RAPGEF4: variants seen among roughly 807,000 people sequenced by gnomAD.
The protein encoded by RAPGEF4 is RAP guanine-nucleotide-exchange factor (GEF) 4.
In RAPGEF4, 66 loss-of-function variants were observed where a neutral mutation model predicts 147.9. The ratio of observed to expected loss-of-function variants is 0.45; its 90% CI spans 0.37 to 0.55. RAPGEF4 has a LOEUF of 0.55. Among genes scored for constraint, RAPGEF4 ranks in the 20% least tolerant of loss-of-function variants. RAPGEF4 has a pLI of 0.00. For synonymous variants in RAPGEF4, 419 were observed against 442.7 expected (o/e 0.95, Z 0.67); for missense variants, 1,071 against 1,257.3 (o/e 0.85, Z 2.24).
At chr2:172,978,680 G>C (rs1691356542) in intron 10 of RAPGEF4, among the ~76,000 whole-genome samples, 1 of 152,220 alleles carries the variant, frequency 6.6e-6, no homozygotes, top group Admixed American at 6.5e-5. Context: ...CAGTGATGCT[G>C]TCTTACTCCT....
chr2:172,980,151 T>C (rs550835160), intron 10 of RAPGEF4, among the ~76,000 whole-genome samples: 1 of 152,222 alleles, frequency 6.6e-6, no homozygotes, highest in South Asian at 2.1e-4. Context: ...ATGCCTGGGA[T>C]AGCTGGAGAG....
At chr2:173,030,302 AAC>A in intron 26 of RAPGEF4, 48 bp downstream of exon 26, 1 of 1,415,646 alleles carries the variant, frequency 7.1e-7, no homozygotes, top group Non-Finnish European at 1.0e-6. Context: ...TAGGAATAAA[AAC>A]ACAGGCTCAC....
intron 8 of RAPGEF4, among the ~76,000 whole-genome samples, chr2:172,963,176 C>T (rs1241655907): frequency 3.9e-5 from 6 of 152,138 alleles, no homozygotes; most frequent in South Asian, 2.1e-4. Context: ...AATTTGCCCC[C>T]GTGATCCAAT....
intron 10 of RAPGEF4, among the ~76,000 whole-genome samples, chr2:172,975,965 CA>C (rs1691018416): frequency 6.6e-6 from 1 of 151,142 alleles, no homozygotes; most frequent in South Asian, 2.1e-4. Flanking sequence ...GTGATCAAAC[CA>C]CATTGTCCTA....
At chr2:173,051,586 A>G in intron 30 of RAPGEF4, 54 bp from the exon 31 acceptor site, 1 of 1,547,446 alleles carries the variant, frequency 6.5e-7, no homozygotes, top group Non-Finnish European at 8.8e-7. Context: ...GTAAGATTGT[A>G]TCTTATATAC....
intron 4 of RAPGEF4, among the ~76,000 whole-genome samples, chr2:172,885,130 C>T (rs1697043831): frequency 6.6e-6 from 1 of 152,238 alleles, no homozygotes; most frequent in Non-Finnish European, 1.5e-5. Context: ...GGATCTGATG[C>T]TCCCTGGTGC....
At chr2:172,958,067 T>G (rs756887755) in intron 6 of RAPGEF4, among the ~76,000 whole-genome samples, 2 of 152,202 alleles carry the variant, frequency 1.3e-5, no homozygotes, top group Non-Finnish European at 2.9e-5. Context: ...GAATAAACAC[T>G]TATCACCAGT....
chr2:172,816,824 G>A (rs552480875), intron 4 of RAPGEF4, among the ~76,000 whole-genome samples: 2 of 152,172 alleles, frequency 1.3e-5, no homozygotes, highest in Non-Finnish European at 2.9e-5. Context: ...ACAGGGTGGG[G>A]ACTGAAATCT....
chr2:172,894,559 A>G (rs566432857), intron 4 of RAPGEF4, among the ~76,000 whole-genome samples: 45 of 152,350 alleles, frequency 3.0e-4, no homozygotes, highest in African/African-American at 1.1e-3. Flanking sequence ...TTTGTGAAAA[A>G]TGAAGATTTA....
intron 2 of RAPGEF4, 69 bp downstream of exon 2, chr2:172,795,236 G>A: frequency 2.1e-6 from 3 of 1,458,716 alleles, no homozygotes; most frequent in Non-Finnish European, 1.9e-6. Flanking sequence ...ACTTTATGGA[G>A]ATAAATAGCA....
chr2:172,910,984 GA>G (rs1700039226), intron 4 of RAPGEF4, among the ~76,000 whole-genome samples: 1 of 152,182 alleles, frequency 6.6e-6, no homozygotes, highest in African/African-American at 2.4e-5. Context: ...TATGGGGTGA[GA>G]GATAGTGTTA....
intron 4 of RAPGEF4, among the ~76,000 whole-genome samples, chr2:172,851,468 C>G (rs1175620095): frequency 6.6e-6 from 1 of 151,984 alleles, no homozygotes; most frequent in Non-Finnish European, 1.5e-5. Context: ...GGTCAAGTAT[C>G]GAGCGACTAT....
chr2:172,903,398 C>T (rs1382490991), intron 4 of RAPGEF4, among the ~76,000 whole-genome samples: 3 of 140,532 alleles, frequency 2.1e-5, no homozygotes, highest in Non-Finnish European at 3.0e-5. Flanking sequence ...AGAAGCCGGG[C>T]GTGGTAGCAG....
chr2:172,793,282 C>G (rs1229661571), intron 1 of RAPGEF4, among the ~76,000 whole-genome samples: 5 of 152,138 alleles, frequency 3.3e-5, no homozygotes, highest in African/African-American at 4.8e-5. Flanking sequence ...ATTGCATCTA[C>G]AAGACCCTAT....
chr2:172,778,729 C>T (rs1684406918), intron 1 of RAPGEF4, among the ~76,000 whole-genome samples: 1 of 152,118 alleles, frequency 6.6e-6, no homozygotes, highest in Non-Finnish European at 1.5e-5. Flanking sequence ...AGACTTAGTA[C>T]ATAAATAGTG....
At chr2:172,833,252 A>G (rs1187164634) in intron 4 of RAPGEF4, among the ~76,000 whole-genome samples, 1 of 115,300 alleles carries the variant, frequency 8.7e-6, no homozygotes, top group Non-Finnish European at 1.8e-5. Context: ...ACATGTACAG[A>G]GGTTTGGGTT....
At chr2:172,948,972 A>C (rs1687953516) in intron 6 of RAPGEF4, among the ~76,000 whole-genome samples, 1 of 152,188 alleles carries the variant, frequency 6.6e-6, no homozygotes, top group Non-Finnish European at 1.5e-5. Context: ...AAAAGAAAGA[A>C]ATTAATATAT....
chr2:173,020,851 T>C, intron 23 of RAPGEF4, 136 bp downstream of exon 23: 1 of 636,330 alleles, frequency 1.6e-6, no homozygotes, highest in Non-Finnish European at 2.7e-6. Context: ...TGCAGTCTAT[T>C]AGGTAAGCCT....
Position 173,051,827 on chromosome 2 carries a change from T to G in RAPGEF4, c.*60T>G. The G allele has an allele frequency of 6.3e-7, 1 of 1,584,010 alleles. No individual in the cohort carries two copies. Among genetic ancestry groups the G allele is most frequent in the Admixed American group, 1.7e-5 (1 of 59,312 alleles). ...AGTCCACAATCTTTCAAAAATGCCA[T>G]TTATGCTACTACTGACTGTATTGCC... On this transcript the variant is annotated 3_prime_UTR_variant, in exon 31 of 31. Transcript: ENST00000397081.
Sources: gnomAD v4.1 joint callset for allele counts (sites outside exome capture counted in the v4.1 genomes callset) on GRCh38, gnomAD v4.1.1 for gene constraint, MANE v1.5 for transcripts, NCBI Gene and HGNC (gene_info 2026-07-23, HGNC 2026-07-21) for gene names.